The following MAPK6 variants were observed in gnomAD, a reference collection of about 807,000 sequenced individuals.
The protein encoded by MAPK6 is ERK-3.
MAPK6 carries 19 observed loss-of-function variants against 59.3 expected under a neutral mutation model. That is an observed-to-expected ratio of 0.32 (90% CI 0.22 to 0.47). The LOEUF is 0.47. MAPK6 is among the 20% of genes least tolerant of loss of function. The pLI is 1.00. For synonymous variants in MAPK6, 316 were observed against 290.3 expected, an observed-to-expected ratio of 1.09 and a Z score of -0.90; for missense variants, 724 against 847.9, an observed-to-expected ratio of 0.85 and a Z score of 1.81.
chr15:52,009,772 A>T (rs1566897977), intron 3 of MAPK6, among the ~76,000 whole-genome samples: 1 of 150,332 alleles, frequency 6.7e-6, no homozygotes, highest in African/African-American at 2.4e-5. Flanking sequence ...TATTTAAGCA[A>T]TTTTTTTTTT....
In MAPK6 at chr15:52,046,749, T is replaced by C; in HGVS notation, c.289T>C (p.Ser97Pro). ...AAGCCAATTAACAGACGATGTGGGCTCTCTTACGGAACTGAACAGTGTTTA... is the reference window on the plus strand; with the variant it reads ...AAGCCAATTAACAGACGATGTGGGCCCTCTTACGGAACTGAACAGTGTTTA... ...SGSQLTDDVG[S>P]LTELNSVYIV... Residue 97 changes from serine (S) to proline (P), a missense_variant, in exon 2 of 6, where the codon TCT (serine) becomes CCT (proline). Ser to Pro is a moderately conservative substitution (Grantham distance 74). Around this residue, in one of 4 missense-constraint regions of MAPK6, gnomAD observed 87 missense variants for 93.0 expected, o/e 0.93. Coordinates refer to ENST00000261845, the MANE Select transcript of MAPK6 (RefSeq NM_002748.4). 1 of 1,614,190 alleles carries C rather than the reference T, an allele frequency of 6.2e-7. No homozygotes were observed. The highest frequency in any genetic ancestry group is 8.5e-7 in the Non-Finnish European group (1 of 1,180,010).
chr15:52,033,478 T>C (rs2031120100), intron 1 of MAPK6, among the ~76,000 whole-genome samples: 1 of 152,192 alleles, frequency 6.6e-6, no homozygotes, highest in Admixed American at 6.5e-5. Context: ...CCCTTGAACA[T>C]CAGACTCCAG....
chr15:52,051,550 C>G (rs2031781371), intron 3 of MAPK6, among the ~76,000 whole-genome samples: 1 of 152,156 alleles, frequency 6.6e-6, no homozygotes, highest in Non-Finnish European at 1.5e-5. Context: ...AACAGCAAGC[C>G]AGCTCTTTAT....
intron 5 of MAPK6, among the ~76,000 whole-genome samples, chr15:52,062,397 CTTT>C (rs1731347946): frequency 6.6e-6 from 1 of 152,052 alleles, no homozygotes; most frequent in African/African-American, 2.4e-5. Context: ...GTAAAAGAGA[CTTT>C]TTTAGGTCTA....
intron 1 of MAPK6, among the ~76,000 whole-genome samples, chr15:51,973,580 G>A (rs1039791056): frequency 2.0e-5 from 3 of 151,772 alleles, no homozygotes; most frequent in Admixed American, 1.3e-4. Context: ...CAGAATAAAC[G>A]TGTTTTTCCC....
chr15:52,002,100 G>C (rs2057243724), intron 2 of MAPK6, among the ~76,000 whole-genome samples: 1 of 152,176 alleles, frequency 6.6e-6, no homozygotes, highest in East Asian at 1.9e-4. Context: ...TCTGGCGAAA[G>C]CTTTCATTTG....
At chr15:52,039,910 G>A (rs2031364754) in intron 1 of MAPK6, among the ~76,000 whole-genome samples, 1 of 152,146 alleles carries the variant, frequency 6.6e-6, no homozygotes, top group Non-Finnish European at 1.5e-5. Context: ...ACTACCCAAA[G>A]CCTTTCAGAC....
At chr15:51,984,108 A>C (rs1236195067) in intron 2 of MAPK6, among the ~76,000 whole-genome samples, 4 of 152,168 alleles carry the variant, frequency 2.6e-5, no homozygotes, top group African/African-American at 9.7e-5. Context: ...AACCCATCAA[A>C]ACACCCATCA....
chr15:52,058,748 T>A lies in MAPK6; in HGVS notation c.816T>A (p.Thr272=). The part of the protein sequence containing the change: ...VIPVYIRNDM[T]EPHKPLTQLL... The stretch of plus-strand genomic sequence containing the variant: ...CAGTTTACATTAGAAATGACATGAC[T>A]GAGCCACACAAACCTTTAACTCAGC... Residue 272 remains threonine, a synonymous_variant, in exon 4 of 6, where the codon ACT becomes ACA. Transcript: ENST00000261845. 1.2e-6 allele frequency: 2 copies of A among 1,613,536 alleles called. No homozygotes were observed. Among genetic ancestry groups the A allele is most frequent in the Non-Finnish European group, 8.5e-7 (1 of 1,179,692 alleles).
chr15:51,991,180 C>CATAT lies in MAPK6; in HGVS notation c.-770+7872_-770+7875dup, dbSNP rs1555395350. The stretch of plus-strand genomic sequence containing the variant: ...ACACACACACACACACACACACACA[C>CATAT]ATATATATATGTATATGTATATATG... On this transcript the variant is annotated intron_variant, in intron 2 of 7. Coordinates refer to the MAPK6 transcript ENST00000691380. 4.9e-5 allele frequency among the ~76,000 whole-genome samples: 7 copies of CATAT among 142,964 alleles called. No homozygotes were observed. In the South Asian group the frequency reaches 1.5e-3, roughly 31 times the overall value. 93.8% of individuals were successfully genotyped at this position (142,964 alleles called of 152,430 possible). A position where few individuals can be genotyped will look rare whatever the true frequency, so the allele number is the denominator to read the frequency against.
intron 1 of MAPK6, among the ~76,000 whole-genome samples, chr15:51,977,457 T>A (rs2057160660): frequency 6.6e-6 from 1 of 151,828 alleles, no homozygotes; most frequent in Admixed American, 6.6e-5. Flanking sequence ...GGAGACCAAA[T>A]GAAGAGAGAT....
intron 3 of MAPK6, among the ~76,000 whole-genome samples, chr15:52,050,835 T>C (rs896296081): frequency 1.3e-5 from 2 of 152,140 alleles, no homozygotes; most frequent in Non-Finnish European, 2.9e-5. Context: ...CCTGGTGCAT[T>C]CATGAATCTG....
At chr15:52,057,974 AGGAACTAAAAGGAATTTT>A (rs148662469) in intron 3 of MAPK6, among the ~76,000 whole-genome samples, 5,471 of 152,310 alleles carry the variant, frequency 0.036, 226 homozygotes, top group African/African-American at 0.086. Context: ...TGCGCATAGT[AGGAACTAAAAGGAATTTT>A]GAATGTTCAA....
At chr15:52,017,003 A>G (rs920473950), upstream of MAPK6, among the ~76,000 whole-genome samples, 2 of 152,124 alleles carry the variant, frequency 1.3e-5, no homozygotes, top group Admixed American at 6.5e-5. Context: ...GTGAGCCAAG[A>G]TTGCACCACT....
intron 1 of MAPK6, among the ~76,000 whole-genome samples, chr15:51,976,122 C>G (rs535644792): frequency 6.7e-6 from 1 of 149,132 alleles, no homozygotes; most frequent in African/African-American, 2.5e-5. Context: ...AAAAATTTGC[C>G]GGGCGTGGTG....
At chr15:52,001,400 A>G (rs1286147991) in intron 2 of MAPK6, among the ~76,000 whole-genome samples, 1 of 151,700 alleles carries the variant, frequency 6.6e-6, no homozygotes, top group East Asian at 1.9e-4. Flanking sequence ...ATTCTACTCT[A>G]TTGGTCTGTA....
At chr15:51,976,740 CAAG>C (rs2057158628) in intron 1 of MAPK6, among the ~76,000 whole-genome samples, 1 of 151,498 alleles carries the variant, frequency 6.6e-6, no homozygotes. Context: ...GTCAGGAGTT[CAAG>C]ACCAGCCTGA....
chr15:52,059,868 G>A (rs983954689), intron 4 of MAPK6, among the ~76,000 whole-genome samples: 1 of 152,186 alleles, frequency 6.6e-6, no homozygotes, highest in Non-Finnish European at 1.5e-5. Context: ...CTTAACAGTG[G>A]AGTTTTATTT....
intron 1 of MAPK6, among the ~76,000 whole-genome samples, chr15:51,977,627 C>T (rs1470683977): frequency 6.6e-6 from 1 of 151,950 alleles, no homozygotes; most frequent in Non-Finnish European, 1.5e-5. Flanking sequence ...GCCTTGAACT[C>T]CTGGGCTCAA....
Sources: gnomAD v4.1 joint callset for allele counts (sites outside exome capture counted in the v4.1 genomes callset) on GRCh38, gnomAD v4.1.1 for gene constraint, gnomAD v4.1.1 regional missense constraint, MANE v1.5 for transcripts, NCBI Gene and HGNC (gene_info 2026-07-23, HGNC 2026-07-21) for gene names.